GRM8: variants seen among roughly 807,000 people sequenced by gnomAD.
The protein encoded by GRM8 is metabotropic glutamate receptor 8.
In GRM8, 47 loss-of-function variants were observed where a neutral mutation model predicts 87.2. The ratio of observed to expected loss-of-function variants is 0.54; its 90% confidence interval spans 0.43 to 0.69. The LOEUF (loss-of-function observed/expected upper bound fraction) is 0.69. GRM8 is among the 30% of genes least tolerant of loss of function. The pLI is 0.00. For missense variants in GRM8, 1,019 were observed against 1,139.2 expected, an observed-to-expected ratio of 0.89 and a Z score of 1.52; for synonymous variants, 396 against 404.5, an observed-to-expected ratio of 0.98 and a Z score of 0.25.
At chr7:126,961,253 G>A (rs1021301536) in intron 3 of GRM8, among the ~76,000 whole-genome samples, 2 of 152,186 alleles carry the variant, frequency 1.3e-5, no homozygotes, top group Non-Finnish European at 1.5e-5. Flanking sequence ...GAATTGCTAA[G>A]TGTGAAACTC....
At chr7:126,907,035 TA>T (rs1802749528) in intron 3 of GRM8, among the ~76,000 whole-genome samples, 1 of 151,702 alleles carries the variant, frequency 6.6e-6, no homozygotes, top group Non-Finnish European at 1.5e-5. Context: ...AACTCAGGCT[TA>T]ATGCAAACTA....
intron 3 of GRM8, among the ~76,000 whole-genome samples, chr7:126,976,901 AT>A (rs35457348): frequency 0.066 from 9,584 of 146,038 alleles, 982 homozygotes; most frequent in African/African-American, 0.22. Context: ...TATTTTCATT[AT>A]TTTTTTTTTT....
intron 2 of GRM8, among the ~76,000 whole-genome samples, chr7:127,209,373 C>A (rs1175754069): frequency 6.6e-6 from 1 of 152,200 alleles, no homozygotes; most frequent in Non-Finnish European, 1.5e-5. Context: ...GCCAAGATCT[C>A]AGCTGTTGAC....
intron 6 of GRM8, among the ~76,000 whole-genome samples, chr7:126,881,986 C>G (rs1002508144): frequency 6.6e-6 from 1 of 152,060 alleles, no homozygotes; most frequent in African/African-American, 2.4e-5. Context: ...TTGCTGACCT[C>G]TAAACTCCAT....
At chr7:126,521,413 C>G (rs927276886) in intron 9 of GRM8, among the ~76,000 whole-genome samples, 7 of 151,628 alleles carry the variant, frequency 4.6e-5, no homozygotes, top group African/African-American at 1.7e-4. Flanking sequence ...AACCTTAATT[C>G]CTCTTCTAAA....
chr7:126,959,219 C>T (rs1379682660), intron 3 of GRM8, among the ~76,000 whole-genome samples: 1 of 152,050 alleles, frequency 6.6e-6, no homozygotes, highest in Non-Finnish European at 1.5e-5. Context: ...AGAAAAACAC[C>T]ACAATAATAA....
At chr7:126,995,773 A>G (rs1290704862) in intron 3 of GRM8, among the ~76,000 whole-genome samples, 1 of 152,114 alleles carries the variant, frequency 6.6e-6, no homozygotes, top group African/African-American at 2.4e-5. Flanking sequence ...GAGGAAGTAG[A>G]GAAAGAGATG....
rs547021320 is a variant in GRM8 at position 126,498,580 on chromosome 7, A to G, written c.2430+34372T>C. On this transcript the variant is annotated intron_variant, in intron 9 of 10. Transcript: ENST00000339582. ...ACACTCACTCACACAGGAGGCAGTA[A>G]GTCTCCAGAAAAGTGGGGGGACATG... Among the ~76,000 whole-genome samples the G allele has an allele frequency of 3.3e-5, 5 of 152,118 alleles. No homozygotes were observed. The South Asian group carries it at 1.0e-3, about 32-fold the overall frequency.
chr7:127,096,567 A>G (rs1307312792), intron 3 of GRM8, among the ~76,000 whole-genome samples: 1 of 152,122 alleles, frequency 6.6e-6, no homozygotes, highest in Admixed American at 6.5e-5. Context: ...CTAAAAAAAA[A>G]AAAAAATACA....
At chr7:126,530,154 CA>C (rs1814571200) in intron 9 of GRM8, among the ~76,000 whole-genome samples, 1 of 152,168 alleles carries the variant, frequency 6.6e-6, no homozygotes, top group Non-Finnish European at 1.5e-5. Flanking sequence ...AAATGTTTTC[CA>C]AAACATCTGT....
chr7:126,765,148 G>A (rs928760526), intron 7 of GRM8, among the ~76,000 whole-genome samples: 8 of 152,118 alleles, frequency 5.3e-5, no homozygotes, highest in African/African-American at 1.9e-4. Flanking sequence ...TTTAACAAGT[G>A]TCTTAAAGAA....
intron 3 of GRM8, among the ~76,000 whole-genome samples, chr7:127,102,045 C>A (rs1587007395): frequency 3.3e-5 from 5 of 152,294 alleles, no homozygotes; most frequent in Non-Finnish European, 7.4e-5. Flanking sequence ...AACTTGGATG[C>A]ACTATGTCCA....
intron 2 of GRM8, among the ~76,000 whole-genome samples, chr7:127,152,121 C>T (rs1462994371): frequency 6.6e-6 from 1 of 152,064 alleles, no homozygotes; most frequent in Non-Finnish European, 1.5e-5. Flanking sequence ...ACAGGGAAGA[C>T]AGCAAGACAG....
rs747403526 is a variant in GRM8, at chr7:127,242,953, G to C, written c.252C>G (p.Asp84Glu). ...GGAGATCAGGGTCCTTGTTAATCTG[G>C]TCAATTGCATAAAGCATGGCCTCCA... Reference protein sequence around the residue: ...HRLEAMLYAIDQINKDPDLLS... With the variant: ...HRLEAMLYAIEQINKDPDLLS... The change falls in exon 2 of 11, where the codon GAC becomes GAG. Residue 84 changes from aspartate to glutamate, a missense_variant. Asp to Glu is a conservative substitution (Grantham distance 45). Transcript: ENST00000339582. The C allele has an allele frequency of 6.2e-7, 1 of 1,613,986 alleles. No individual in the cohort carries two copies. The highest frequency in any genetic ancestry group is 1.3e-5 in the African/African-American group (1 of 74,910).
intron 9 of GRM8, among the ~76,000 whole-genome samples, chr7:126,468,280 T>C (rs533515976): frequency 5.9e-5 from 9 of 152,124 alleles, no homozygotes; most frequent in African/African-American, 1.9e-4. Context: ...AGGTTTTGTA[T>C]CCAGCTAAAT....
At chr7:126,537,937 T>A (rs1760593511) in intron 8 of GRM8, among the ~76,000 whole-genome samples, 1 of 152,210 alleles carries the variant, frequency 6.6e-6, no homozygotes, top group African/African-American at 2.4e-5. Flanking sequence ...AGAGATGCCT[T>A]AACCATATAT....
chr7:127,050,518 T>C (rs1819359754), intron 3 of GRM8, among the ~76,000 whole-genome samples: 1 of 152,186 alleles, frequency 6.6e-6, no homozygotes, highest in African/African-American at 2.4e-5. Context: ...AAGGTATAAA[T>C]GGAGTGTCAT....
chr7:127,124,169 C>T (rs1417200440), intron 2 of GRM8, among the ~76,000 whole-genome samples: 4 of 152,176 alleles, frequency 2.6e-5, no homozygotes, highest in Non-Finnish European at 5.9e-5. Flanking sequence ...TAATATTTGT[C>T]TACCTTTTAC....
chr7:126,892,551 G>T (rs548489890), intron 6 of GRM8, among the ~76,000 whole-genome samples: 2 of 152,064 alleles, frequency 1.3e-5, no homozygotes, highest in Admixed American at 1.3e-4. Flanking sequence ...GGACATTTGG[G>T]TTGGTTCCAA....
Sources: allele counts gnomAD v4.1 joint callset (sites outside exome capture counted in the v4.1 genomes callset), GRCh38; gene constraint gnomAD v4.1.1; transcripts MANE v1.5; gene names NCBI Gene and HGNC (gene_info 2026-07-23, HGNC 2026-07-21).